Variants in HPSE2 observed in about 807,000 individuals in gnomAD.
HPSE2 encodes inactive heparanase-2.
A neutral mutation model predicts 60.5 loss-of-function variants in HPSE2; 38 were observed. The ratio of observed to expected loss-of-function variants is 0.63; its 90% CI spans 0.48 to 0.82. The LOEUF is 0.82. Ranked by LOEUF, HPSE2 falls within the 40% of genes least tolerant of loss-of-function variation. HPSE2 has a pLI of 0.00. For missense variants in HPSE2, 713 were observed against 740.4 expected (o/e 0.96, Z 0.43); for synonymous variants, 295 against 293.2 (o/e 1.01, Z -0.06).
rs1199987336 is a variant in HPSE2, at chr10:99,132,146, G to GAAGAAAGAAAGA, written c.610+12080_610+12091dup. Among the ~76,000 whole-genome samples, 136 of 28,476 alleles carry GAAGAAAGAAAGA rather than the reference G, an allele frequency of 4.8e-3. 2 individuals are homozygous for GAAGAAAGAAAGA. The highest frequency in any genetic ancestry group is 0.015 in the South Asian group (8 of 536). The allele number at this position is 28,476 out of a possible 152,430, so 18.7% of individuals were successfully genotyped here. On this transcript the variant is annotated intron_variant, in intron 3 of 11. Coordinates refer to ENST00000370552, the MANE Select transcript of HPSE2 (RefSeq NM_021828.5). ...AAAGAAAGAAAGGAAAGAAAGAAAG[G>GAAGAAAGAAAGA]AAGAAAGAAAGAAAGAAAGAAAGAA...
intron 5 of HPSE2, among the ~76,000 whole-genome samples, chr10:98,702,024 A>G (rs1024357210): frequency 2.0e-5 from 3 of 152,198 alleles, no homozygotes; most frequent in Non-Finnish European, 4.4e-5. Context: ...AATTGGATAA[A>G]GAGTCAAGAC....
At chr10:98,782,946 T>TA (rs1247130535) in intron 3 of HPSE2, among the ~76,000 whole-genome samples, 1 of 139,622 alleles carries the variant, frequency 7.2e-6, no homozygotes, top group African/African-American at 2.7e-5. Context: ...TTAATGTTTT[T>TA]TTTTTTATTA....
chr10:98,517,666 G>C (rs140183250), intron 9 of HPSE2, among the ~76,000 whole-genome samples: 1 of 152,266 alleles, frequency 6.6e-6, no homozygotes, highest in Non-Finnish European at 1.5e-5. Flanking sequence ...CTTTGGAATG[G>C]AGCTGGTTCC....
chr10:99,076,857 C>T (rs1195212654), intron 3 of HPSE2, among the ~76,000 whole-genome samples: 3 of 152,108 alleles, frequency 2.0e-5, no homozygotes, highest in African/African-American at 7.2e-5. Flanking sequence ...TTTGTTTTCA[C>T]TTAAAGAACT....
chr10:98,935,566 C>T (rs2902257), intron 3 of HPSE2, among the ~76,000 whole-genome samples: 101,203 of 143,012 alleles, frequency 0.71, 40,069 homozygotes, highest in East Asian at 0.84. Flanking sequence ...TCTGCTGCAG[C>T]TTGCTGGGGG....
At chr10:99,018,214 C>A (rs1262845380) in intron 3 of HPSE2, among the ~76,000 whole-genome samples, 1 of 152,202 alleles carries the variant, frequency 6.6e-6, no homozygotes, top group Non-Finnish European at 1.5e-5. Context: ...TCAGCTTACC[C>A]ACCTATAAAA....
At chr10:98,883,039 G>T (rs1161074397) in intron 3 of HPSE2, among the ~76,000 whole-genome samples, 1 of 152,068 alleles carries the variant, frequency 6.6e-6, no homozygotes, top group Non-Finnish European at 1.5e-5. Flanking sequence ...AAAGCAATAA[G>T]AGCAGTTTTG....
chr10:98,541,267 G>T (rs372299306), intron 9 of HPSE2, among the ~76,000 whole-genome samples: 1 of 152,146 alleles, frequency 6.6e-6, no homozygotes, highest in African/African-American at 2.4e-5. Flanking sequence ...AATTTCAAAT[G>T]GAAGAATAAT....
At chr10:99,119,882 T>C (rs1359757828) in intron 3 of HPSE2, among the ~76,000 whole-genome samples, 2 of 152,224 alleles carry the variant, frequency 1.3e-5, no homozygotes, top group Non-Finnish European at 2.9e-5. Context: ...CTGGACTAAC[T>C]GGCTAGCCAT....
chr10:99,128,501 AT>A (rs1845252391), intron 3 of HPSE2, among the ~76,000 whole-genome samples: 2 of 152,224 alleles, frequency 1.3e-5, no homozygotes, highest in South Asian at 4.1e-4. Context: ...CGATGCAGCC[AT>A]AAAAAGGAAT....
intron 3 of HPSE2, among the ~76,000 whole-genome samples, chr10:98,893,573 T>C (rs1953399737): frequency 6.6e-6 from 1 of 152,092 alleles, no homozygotes; most frequent in Non-Finnish European, 1.5e-5. Context: ...TCTAGATAGA[T>C]AGCAAATTAG....
At chr10:99,054,702 T>C (rs577448338) in intron 3 of HPSE2, among the ~76,000 whole-genome samples, 1 of 152,310 alleles carries the variant, frequency 6.6e-6, no homozygotes, top group Admixed American at 6.5e-5. Context: ...ACAATATTTA[T>C]TGTTTTTTGT....
At chr10:99,068,641 C>T (rs1290303284) in intron 3 of HPSE2, among the ~76,000 whole-genome samples, 2 of 151,928 alleles carry the variant, frequency 1.3e-5, no homozygotes, top group African/African-American at 2.4e-5. Context: ...GAGTGCAAAT[C>T]AATTAAATGG....
At chr10:98,813,555 A>C (rs867589770) in intron 3 of HPSE2, among the ~76,000 whole-genome samples, 26 of 152,254 alleles carry the variant, frequency 1.7e-4, no homozygotes, top group African/African-American at 4.8e-4. Flanking sequence ...GAACCAGATC[A>C]ATTAAAGGGA....
At chr10:99,307,640 T>C in the HPSE2 span, among the ~76,000 whole-genome samples, 10 of 152,320 alleles carry the variant, frequency 6.6e-5, no homozygotes, top group East Asian at 1.9e-3. Flanking sequence ...AAAATATCTA[T>C]GGCACCCCCA....
chr10:99,240,249 T>G (rs1186042177), upstream of HPSE2, among the ~76,000 whole-genome samples: 1 of 152,036 alleles, frequency 6.6e-6, no homozygotes, highest in Non-Finnish European at 1.5e-5. Flanking sequence ...TATCATTTCA[T>G]CTCAGACAAG....
At chr10:98,488,836 C>T (rs991801448) in intron 10 of HPSE2, among the ~76,000 whole-genome samples, 2 of 152,228 alleles carry the variant, frequency 1.3e-5, no homozygotes, top group African/African-American at 4.8e-5. Flanking sequence ...ATGTTGAAAG[C>T]CTCTGGCCTC....
chr10:98,612,337 T>C (rs1232689559), intron 9 of HPSE2, among the ~76,000 whole-genome samples: 2 of 152,232 alleles, frequency 1.3e-5, no homozygotes, highest in Non-Finnish European at 2.9e-5. Flanking sequence ...CGTCTGACCT[T>C]GGATAAGTCA....
At chr10:99,234,305 G>A (rs994020484) in intron 1 of HPSE2, among the ~76,000 whole-genome samples, 3 of 152,308 alleles carry the variant, frequency 2.0e-5, no homozygotes, top group Non-Finnish European at 2.9e-5. Context: ...TACCTGCCGC[G>A]TCCGCAGACC....
Sources: gnomAD v4.1 joint callset for allele counts (sites outside exome capture counted in the v4.1 genomes callset) on GRCh38, gnomAD v4.1.1 for gene constraint, MANE v1.5 for transcripts, NCBI Gene and HGNC (gene_info 2026-07-23, HGNC 2026-07-21) for gene names.